PRKG1: variants seen among roughly 807,000 people sequenced by gnomAD.
PRKG1 encodes protein kinase cGMP-dependent 1.
PRKG1 carries 35 observed loss-of-function variants against 88.1 expected under a neutral mutation model. That is an observed-to-expected ratio of 0.40 (90% CI 0.30 to 0.53). PRKG1 has a LOEUF of 0.53. PRKG1 is among the 20% of genes least tolerant of loss of function. The pLI is 0.59. For synonymous variants in PRKG1, 303 were observed against 292.5 expected, an observed-to-expected ratio of 1.04 and a Z score of -0.37; for missense variants, 540 against 839.8, an observed-to-expected ratio of 0.64 and a Z score of 4.41.
intron 1 of PRKG1, among the ~76,000 whole-genome samples, chr10:51,095,886 TA>T (rs1844516158): frequency 6.6e-6 from 1 of 152,050 alleles, no homozygotes; most frequent in Admixed American, 6.6e-5. Flanking sequence ...TCAGGAAAAA[TA>T]AATTGAGGAC....
intron 2 of PRKG1, among the ~76,000 whole-genome samples, chr10:51,362,405 C>A (rs576246118): frequency 2.2e-4 from 33 of 150,352 alleles, no homozygotes; most frequent in Admixed American, 2.0e-3. Context: ...TGTGAGTCTT[C>A]TTTTTTTTTG....
At chr10:51,238,637 C>T (rs568782761) in intron 2 of PRKG1, among the ~76,000 whole-genome samples, 9 of 150,766 alleles carry the variant, frequency 6.0e-5, no homozygotes, top group South Asian at 4.2e-4. Context: ...GTGGTGCGCC[C>T]GTAATCTCAG....
intron 3 of PRKG1, among the ~76,000 whole-genome samples, chr10:51,708,468 A>G (rs1204469766): frequency 6.6e-6 from 1 of 152,192 alleles, no homozygotes; most frequent in Non-Finnish European, 1.5e-5. Flanking sequence ...AATTGTTGGC[A>G]TTCAGAATAC....
rs192509978 is a variant in PRKG1 at position 52,038,400 on chromosome 10, A to C, written c.763-16084A>C. Among the ~76,000 whole-genome samples, 182 of 147,964 alleles carry C rather than the reference A, an allele frequency of 1.2e-3. 1 individual carries two copies. Among genetic ancestry groups the C allele is most frequent in the African/African-American group, 4.4e-3 (176 of 40,124 alleles). ...GGGATGAAGCACAGAAATAAGGGGTAGGGGCACGGAAATAAGGGGTCGAGC... is the reference window on the plus strand; with the variant it reads ...GGGATGAAGCACAGAAATAAGGGGTCGGGGCACGGAAATAAGGGGTCGAGC... On this transcript the variant is annotated intron_variant, in intron 5 of 17. Coordinates refer to ENST00000373980, the MANE Select transcript of PRKG1 (RefSeq NM_006258.4).
chr10:51,933,169 G>A (rs1842730589), intron 5 of PRKG1, among the ~76,000 whole-genome samples: 2 of 152,200 alleles, frequency 1.3e-5, no homozygotes, highest in Admixed American at 6.5e-5. Flanking sequence ...TGCTCCAGAG[G>A]TTCAGACTTT....
At chr10:51,171,276 G>A (rs1904676) in intron 2 of PRKG1, among the ~76,000 whole-genome samples, 70,297 of 151,896 alleles carry the variant, frequency 0.46, 16,336 homozygotes, top group African/African-American at 0.54. Context: ...AGTAATAATC[G>A]TGTGCTTATT....
intron 3 of PRKG1, among the ~76,000 whole-genome samples, chr10:51,560,385 G>A (rs979668968): frequency 1.3e-5 from 2 of 152,070 alleles, no homozygotes; most frequent in Admixed American, 6.6e-5. Flanking sequence ...TTAATAGATA[G>A]GAACATATTA....
At chr10:51,450,728 G>T (rs1839409907) in intron 2 of PRKG1, among the ~76,000 whole-genome samples, 1 of 151,932 alleles carries the variant, frequency 6.6e-6, no homozygotes, top group Admixed American at 6.6e-5. Flanking sequence ...ATGTTGGAAG[G>T]GATGAGATAC....
At chr10:51,459,744 T>C (rs2860093) in intron 2 of PRKG1, among the ~76,000 whole-genome samples, 30,551 of 152,068 alleles carry the variant, frequency 0.2, 3,291 homozygotes, top group Admixed American at 0.32. Context: ...AAGGATGTTA[T>C]TCTAACATCA....
chr10:51,564,812 C>T (rs1837558735), intron 3 of PRKG1, among the ~76,000 whole-genome samples: 1 of 152,024 alleles, frequency 6.6e-6, no homozygotes, highest in Non-Finnish European at 1.5e-5. Context: ...CATATTAATG[C>T]TTTAAACAGT....
intron 9 of PRKG1, among the ~76,000 whole-genome samples, chr10:52,162,922 C>T (rs551852047): frequency 3.9e-5 from 6 of 152,220 alleles, no homozygotes; most frequent in Admixed American, 2.0e-4. Context: ...GTTACACAGG[C>T]CAGTTGTAAC....
At chr10:51,049,924 C>T (rs762960164) in intron 1 of PRKG1, among the ~76,000 whole-genome samples, 4 of 152,008 alleles carry the variant, frequency 2.6e-5, no homozygotes, top group Non-Finnish European at 5.9e-5. Flanking sequence ...AAATTGTAGG[C>T]TTCATAAAAT....
At chr10:50,997,533 G>C (rs371771657) in intron 1 of PRKG1, among the ~76,000 whole-genome samples, 1 of 152,160 alleles carries the variant, frequency 6.6e-6, no homozygotes. Context: ...CTGAGAGTGC[G>C]TTAAAACCTT....
chr10:51,685,902 A>G (rs902357290), intron 3 of PRKG1, among the ~76,000 whole-genome samples: 1 of 151,920 alleles, frequency 6.6e-6, no homozygotes, highest in African/African-American at 2.4e-5. Flanking sequence ...TGAAGAGACC[A>G]CTCTTCAGCC....
At chr10:51,522,652 T>A (rs748876712) in intron 3 of PRKG1, among the ~76,000 whole-genome samples, 6 of 152,016 alleles carry the variant, frequency 3.9e-5, no homozygotes, top group Non-Finnish European at 7.4e-5. Context: ...AATAAAAATG[T>A]GTTCATTGTG....
intron 3 of PRKG1, among the ~76,000 whole-genome samples, chr10:51,802,673 A>T (rs1394245793): frequency 2.0e-5 from 3 of 152,106 alleles, no homozygotes; most frequent in African/African-American, 7.2e-5. Context: ...CTGAAGGCAT[A>T]TACAAATTTA....
chr10:51,947,293 C>T (rs544570022), intron 5 of PRKG1, among the ~76,000 whole-genome samples: 52 of 152,188 alleles, frequency 3.4e-4, no homozygotes, highest in African/African-American at 1.1e-3. Context: ...TCTCCTGGTG[C>T]GCCGTTTTTT....
chr10:52,286,110 C>T (rs755665093), intron 14 of PRKG1, among the ~76,000 whole-genome samples: 2 of 152,112 alleles, frequency 1.3e-5, no homozygotes, highest in Non-Finnish European at 2.9e-5. Context: ...AGAATAATAT[C>T]ACCACAGTAT....
chr10:51,348,139 A>T (rs1396400221), intron 2 of PRKG1, among the ~76,000 whole-genome samples: 1 of 152,120 alleles, frequency 6.6e-6, no homozygotes, highest in Non-Finnish European at 1.5e-5. Context: ...GTAATGCTAA[A>T]TCTTAATTTA....
Sources: gnomAD v4.1 joint callset for allele counts (sites outside exome capture counted in the v4.1 genomes callset) on GRCh38, gnomAD v4.1.1 for gene constraint, MANE v1.5 for transcripts, NCBI Gene and HGNC (gene_info 2026-07-23, HGNC 2026-07-21) for gene names.